Variants in RNF121 observed in about 807,000 individuals in gnomAD.
RNF121 encodes the protein E3 ubiquitin ligase RNF121.
In RNF121, 21 loss-of-function variants were observed where a neutral mutation model predicts 46.5. That is an observed-to-expected ratio of 0.45 (90% confidence interval 0.32 to 0.65). RNF121 has a LOEUF of 0.65. Ranked by LOEUF, RNF121 falls within the 30% of genes least tolerant of loss-of-function variation. The pLI, the probability that RNF121 is intolerant of heterozygous loss-of-function variation, is 0.04. For synonymous variants in RNF121, 139 were observed against 144.7 expected, an observed-to-expected ratio of 0.96 and a Z score of 0.28; for missense variants, 346 against 416.0, an observed-to-expected ratio of 0.83 and a Z score of 1.46.
intron 1 of RNF121, among the ~76,000 whole-genome samples, chr11:71,946,287 G>A (rs1469672464): frequency 6.6e-6 from 1 of 152,180 alleles, no homozygotes; most frequent in Non-Finnish European, 1.5e-5. Context: ...AGTAAGAAAA[G>A]GAGTGAACTC....
At chr11:71,981,897 G>A (rs1318160342) in intron 3 of RNF121, among the ~76,000 whole-genome samples, 5 of 152,158 alleles carry the variant, frequency 3.3e-5, no homozygotes, top group South Asian at 4.1e-4. Flanking sequence ...AAGCCCAGCC[G>A]CATACTCTAG....
At chr11:71,982,660 G>T in intron 3 of RNF121, 101 bp from the exon 4 acceptor site, 1 of 1,317,028 alleles carries the variant, frequency 7.6e-7, no homozygotes, top group Non-Finnish European at 1.0e-6. Context: ...GTAAATACAG[G>T]AGAGGATCAA....
At chr11:71,963,544 A>AGGGAGTTGGAGGTTGCAATGAGCC (rs1280865993) in intron 3 of RNF121, among the ~76,000 whole-genome samples, 1 of 152,106 alleles carries the variant, frequency 6.6e-6, no homozygotes, top group East Asian at 1.9e-4. Context: ...CGCTTGAATC[A>AGGGAGTTGGAGGTTGCAATGAGCC]GGGAGTTGGA....
At chr11:71,931,146 A>G (rs1294698528) in intron 1 of RNF121, among the ~76,000 whole-genome samples, 1 of 151,998 alleles carries the variant, frequency 6.6e-6, no homozygotes, top group Non-Finnish European at 1.5e-5. Context: ...AGAAAATAAC[A>G]TTTTCATTAA....
At chr11:71,946,194 C>T (rs192554970) in intron 1 of RNF121, among the ~76,000 whole-genome samples, 134 of 152,102 alleles carry the variant, frequency 8.8e-4, no homozygotes, top group Admixed American at 1.5e-3. Context: ...CTCATAATAG[C>T]CCCAAGTAGA....
chr11:71,987,179 T>C lies in RNF121; in HGVS notation c.506+68T>C, dbSNP rs983171092. On this transcript the variant is annotated intron_variant, in intron 5 of 8. Coordinates refer to ENST00000361756, the MANE Select transcript of RNF121 (RefSeq NM_018320.5). ...AGTGACTGTTGAGATGTACCTCTTG[T>C]TGCAAGTCGTGGTTATTAACAGGAG... 2.0e-5 allele frequency: 20 copies of C among 1,018,660 alleles called. 1 individual carries two copies. The highest frequency in any genetic ancestry group is 1.7e-4 in the Admixed American group (10 of 58,666). 63.1% of individuals were successfully genotyped at this position (1,018,660 alleles called of 1,614,324 possible).
chr11:71,956,114 TTC>T (rs1953985527), intron 1 of RNF121, among the ~76,000 whole-genome samples: 1 of 152,224 alleles, frequency 6.6e-6, no homozygotes, highest in Admixed American at 6.5e-5. Context: ...GTGTTACTAT[TTC>T]AAATGTTCAA....
chr11:71,950,881 T>A (rs1364504051), intron 1 of RNF121, among the ~76,000 whole-genome samples: 1 of 152,086 alleles, frequency 6.6e-6, no homozygotes, highest in Non-Finnish European at 1.5e-5. Context: ...CTCCAGAACT[T>A]TGGAGTTAGA....
chr11:71,955,998 T>C (rs1461727667), intron 1 of RNF121, among the ~76,000 whole-genome samples: 1 of 152,228 alleles, frequency 6.6e-6, no homozygotes, highest in East Asian at 1.9e-4. Flanking sequence ...ATGTAGCAGC[T>C]GGAAAGGCCA....
intron 1 of RNF121, among the ~76,000 whole-genome samples, chr11:71,951,518 TG>T (rs1335286685): frequency 2.6e-5 from 4 of 151,656 alleles, no homozygotes; most frequent in Non-Finnish European, 5.9e-5. Context: ...CCCAGCTACT[TG>T]GGTGGCTGGG....
chr11:71,995,628 C>T, intron 8 of RNF121, 77 bp downstream of exon 8: 1 of 1,156,364 alleles, frequency 8.6e-7, no homozygotes, highest in East Asian at 2.6e-5. Context: ...CATTTGGGTC[C>T]TCCTGGGGCC....
At chr11:71,931,980 G>A (rs1022544742) in intron 1 of RNF121, among the ~76,000 whole-genome samples, 1 of 152,146 alleles carries the variant, frequency 6.6e-6, no homozygotes, top group African/African-American at 2.4e-5. Context: ...GTATATTCAG[G>A]ATATTATACC....
At chr11:71,977,678 T>C (rs1385719977) in intron 3 of RNF121, among the ~76,000 whole-genome samples, 1 of 152,236 alleles carries the variant, frequency 6.6e-6, no homozygotes, top group Non-Finnish European at 1.5e-5. Flanking sequence ...TGTTTCTCCT[T>C]CTACCTGGCC....
chr11:71,936,967 T>A (rs544240984), intron 1 of RNF121, among the ~76,000 whole-genome samples: 5 of 152,260 alleles, frequency 3.3e-5, no homozygotes, highest in Non-Finnish European at 7.3e-5. Context: ...ATAAAGGGAA[T>A]GTTGACTAAA....
intron 3 of RNF121, among the ~76,000 whole-genome samples, chr11:71,982,442 G>A (rs1954684076): frequency 6.6e-6 from 1 of 151,676 alleles, no homozygotes; most frequent in African/African-American, 2.4e-5. Flanking sequence ...ATACCATTCT[G>A]GCACTCCTCA....
chr11:71,945,241 G>A (rs1320958679), intron 1 of RNF121, among the ~76,000 whole-genome samples: 1 of 152,016 alleles, frequency 6.6e-6, no homozygotes. Context: ...CTCCTGCCTC[G>A]GGCTCCCAAA....
intron 3 of RNF121, among the ~76,000 whole-genome samples, chr11:71,979,106 A>T (rs555186534): frequency 3.2e-4 from 48 of 152,350 alleles, no homozygotes; most frequent in African/African-American, 1.2e-3. Context: ...TTCCCATTAA[A>T]TGCAAAATTA....
chr11:71,957,333 T>C (rs996770063), intron 2 of RNF121, 69 bp downstream of exon 2: 42 of 1,036,556 alleles, frequency 4.1e-5, no homozygotes, highest in Non-Finnish European at 5.7e-5. Flanking sequence ...GAGTGATATG[T>C]CTACCCATTT....
chr11:71,955,246 C>T (rs61890884), intron 1 of RNF121, among the ~76,000 whole-genome samples: 14 of 152,104 alleles, frequency 9.2e-5, no homozygotes, highest in Non-Finnish European at 1.9e-4. Flanking sequence ...AGCTGTTAGA[C>T]CACTTAGAAA....
Sources: allele counts gnomAD v4.1 joint callset (sites outside exome capture counted in the v4.1 genomes callset), GRCh38; gene constraint gnomAD v4.1.1; transcripts MANE v1.5; gene names NCBI Gene and HGNC (gene_info 2026-07-23, HGNC 2026-07-21).